TRPM3: variants seen among roughly 807,000 people sequenced by gnomAD.
The protein encoded by TRPM3 is long transient receptor potential channel 3.
Under a neutral mutation model 181.2 loss-of-function variants are expected in TRPM3, and 77 were observed. The ratio of observed to expected loss-of-function variants is 0.42; its 90% CI spans 0.35 to 0.51. The LOEUF is 0.51. Ranked by LOEUF, TRPM3 falls within the 20% of genes least tolerant of loss-of-function variation. The probability of loss-of-function intolerance (pLI) is 0.01; values close to 1 mark genes in which losing one functional copy is unlikely to be tolerated. For synonymous variants in TRPM3, 745 were observed against 796.4 expected (o/e 0.94, Z 1.09); for missense variants, 1,759 against 2,196.7 (o/e 0.80, Z 3.98).
chr9:71,340,218 A>G (rs183926052), intron 1 of TRPM3, among the ~76,000 whole-genome samples: 12 of 152,302 alleles, frequency 7.9e-5, no homozygotes, highest in Admixed American at 5.9e-4. Flanking sequence ...GAAGTTACAA[A>G]TAAGGAAAGA....
intron 1 of TRPM3, among the ~76,000 whole-genome samples, chr9:71,304,594 A>G (rs1276217639): frequency 6.6e-6 from 1 of 152,208 alleles, no homozygotes; most frequent in Non-Finnish European, 1.5e-5. Flanking sequence ...ATTATTCTCA[A>G]ATCTCTGCAT....
chr9:70,685,414 G>A (rs2066494367), intron 8 of TRPM3, among the ~76,000 whole-genome samples: 1 of 151,826 alleles, frequency 6.6e-6, no homozygotes, highest in East Asian at 1.9e-4. Flanking sequence ...TATTATTATT[G>A]TTATTTTCTG....
chr9:70,864,565 T>C, intron 1 of TRPM3, 54 bp from the exon 2 acceptor site: 5 of 1,231,142 alleles, frequency 4.1e-6, no homozygotes, highest in Admixed American at 3.0e-5. Context: ...AAGGTGAACA[T>C]ACCGTGAAAT....
chr9:70,822,543 AG>A (rs2093262574), intron 6 of TRPM3, among the ~76,000 whole-genome samples: 1 of 151,512 alleles, frequency 6.6e-6, no homozygotes, highest in Non-Finnish European at 1.5e-5. Flanking sequence ...GGGTTGGGGG[AG>A]GGGGTAATGT....
chr9:71,074,767 A>G (rs2063226915), intron 1 of TRPM3, among the ~76,000 whole-genome samples: 1 of 152,180 alleles, frequency 6.6e-6, no homozygotes. Flanking sequence ...TACTAAAAAC[A>G]TAGAGACCTG....
At chr9:70,639,934 G>A (rs2057800109) in intron 10 of TRPM3, among the ~76,000 whole-genome samples, 1 of 152,152 alleles carries the variant, frequency 6.6e-6, no homozygotes, top group African/African-American at 2.4e-5. Flanking sequence ...GTGATTCCAG[G>A]CACAGAAACC....
At chr9:70,940,356 A>G (rs985903731) in intron 1 of TRPM3, among the ~76,000 whole-genome samples, 4 of 152,322 alleles carry the variant, frequency 2.6e-5, no homozygotes, top group African/African-American at 9.6e-5. Context: ...TTATCTCTTT[A>G]TAGTTCTTTG....
At chr9:71,434,440 C>T (rs1244415341) in intron 1 of TRPM3, among the ~76,000 whole-genome samples, 4 of 152,150 alleles carry the variant, frequency 2.6e-5, no homozygotes, top group African/African-American at 9.7e-5. Context: ...TTGGACTTTG[C>T]AGCCTTCAAT....
intron 8 of TRPM3, among the ~76,000 whole-genome samples, chr9:70,693,535 A>G (rs2069212539): frequency 6.6e-6 from 1 of 151,986 alleles, no homozygotes; most frequent in African/African-American, 2.4e-5. Context: ...TATTTTCTGT[A>G]CTTCCCTTTC....
At chr9:70,607,342 T>A (rs974205444) in intron 19 of TRPM3, among the ~76,000 whole-genome samples, 18 of 152,146 alleles carry the variant, frequency 1.2e-4, no homozygotes, top group African/African-American at 4.3e-4. Flanking sequence ...CTGTTAAGCA[T>A]GTCTGGTGAT....
intron 19 of TRPM3, among the ~76,000 whole-genome samples, chr9:70,605,638 C>T (rs956766320): frequency 3.3e-5 from 5 of 152,230 alleles, no homozygotes; most frequent in African/African-American, 1.2e-4. Flanking sequence ...TTATTATACA[C>T]TGGCATTAAT....
chr9:70,859,437 A>T (rs772183262), intron 3 of TRPM3, among the ~76,000 whole-genome samples: 2 of 152,164 alleles, frequency 1.3e-5, no homozygotes, highest in Non-Finnish European at 2.9e-5. Context: ...GTTAACTATT[A>T]AGGGCTGCAG....
chr9:71,110,886 T>G (rs1010049356), intron 1 of TRPM3, among the ~76,000 whole-genome samples: 1 of 152,222 alleles, frequency 6.6e-6, no homozygotes, highest in Non-Finnish European at 1.5e-5. Flanking sequence ...TCACATGAGC[T>G]AATGTCACAT....
intron 1 of TRPM3, among the ~76,000 whole-genome samples, chr9:71,055,959 T>C (rs1265743944): frequency 6.6e-6 from 1 of 152,014 alleles, no homozygotes; most frequent in East Asian, 1.9e-4. Flanking sequence ...CTACCATGTA[T>C]TGGGCACCTG....
intron 1 of TRPM3, among the ~76,000 whole-genome samples, chr9:71,194,999 T>C (rs1260134310): frequency 6.6e-6 from 1 of 151,936 alleles, no homozygotes. Context: ...ATCTCTCGTT[T>C]CATTAAGTAT....
intron 1 of TRPM3, among the ~76,000 whole-genome samples, chr9:71,246,105 G>A (rs1455182949): frequency 1.3e-5 from 2 of 152,142 alleles, no homozygotes; most frequent in African/African-American, 4.8e-5. Flanking sequence ...GTGGACTGCT[G>A]CACAGTTTGA....
chr9:71,373,700 C>T (rs1325142259), intron 1 of TRPM3, among the ~76,000 whole-genome samples: 2 of 151,774 alleles, frequency 1.3e-5, no homozygotes, highest in Non-Finnish European at 2.9e-5. Context: ...CCAGAGGTAC[C>T]AAGAAGAGCT....
intron 1 of TRPM3, among the ~76,000 whole-genome samples, chr9:70,935,282 T>C (rs1160878874): frequency 1.3e-5 from 2 of 152,102 alleles, no homozygotes; most frequent in Non-Finnish European, 2.9e-5. Flanking sequence ...TGCCAGTCAG[T>C]TTGTCTCCCC....
At position 71,096,542 on chromosome 9, in the gene TRPM3, C is replaced by T. The variant is rs367946826; in HGVS notation, c.177+24636G>A. On this transcript the variant is annotated intron_variant, in intron 1 of 25. Coordinates refer to ENST00000677713, the MANE Select transcript of TRPM3 (RefSeq NM_001366145.2). ...GACTTCCCAAATGACTGTTGGAACC[C>T]CCATCCTGTGAGCGCATGCACACAC... 1.8e-4 allele frequency among the ~76,000 whole-genome samples: 26 copies of T among 146,068 alleles called. 1 individual carries two copies. The South Asian group carries it at 5.5e-3, about 31-fold the overall frequency.
Sources: allele counts gnomAD v4.1 joint callset (sites outside exome capture counted in the v4.1 genomes callset), GRCh38; gene constraint gnomAD v4.1.1; transcripts MANE v1.5; gene names NCBI Gene and HGNC (gene_info 2026-07-23, HGNC 2026-07-21).